PRKCH: variants seen among roughly 807,000 people sequenced by gnomAD.
PRKCH encodes the protein protein kinase C eta type.
Under a neutral mutation model 82.5 loss-of-function variants are expected in PRKCH, and 28 were observed. That is an observed-to-expected ratio of 0.34 (90% confidence interval 0.25 to 0.47). The LOEUF is 0.47. Among genes scored for constraint, PRKCH ranks in the 20% least tolerant of loss-of-function variants. The pLI is 1.00. For synonymous variants in PRKCH, 322 were observed against 327.4 expected, an observed-to-expected ratio of 0.98 and a Z score of 0.18; for missense variants, 705 against 881.8, an observed-to-expected ratio of 0.80 and a Z score of 2.54.
chr14:61,371,097 T>G (rs1280030805), intron 1 of PRKCH, among the ~76,000 whole-genome samples: 1 of 152,130 alleles, frequency 6.6e-6, no homozygotes, highest in Non-Finnish European at 1.5e-5. Flanking sequence ...AGAATTTAAT[T>G]TCTTTAAGAG....
intron 2 of PRKCH, among the ~76,000 whole-genome samples, chr14:61,414,670 G>A (rs1219156482): frequency 8.7e-5 from 13 of 149,854 alleles, no homozygotes; most frequent in African/African-American, 2.5e-4. Context: ...TAGTAGAGAC[G>A]GGGTTTCATC....
chr14:61,418,155 C>T (rs1475046310), intron 2 of PRKCH, among the ~76,000 whole-genome samples: 1 of 152,196 alleles, frequency 6.6e-6, no homozygotes, highest in Non-Finnish European at 1.5e-5. Context: ...ACACTGCAAA[C>T]TGCACGTACG....
intron 10 of PRKCH, among the ~76,000 whole-genome samples, chr14:61,496,099 G>A (rs556010230): frequency 7.6e-4 from 116 of 152,274 alleles, no homozygotes; most frequent in Non-Finnish European, 1.1e-3. Context: ...GGGACCAGTG[G>A]GCTGGAGCAG....
At chr14:61,198,594 G>C (rs1227346901) in intron 1 of PRKCH, among the ~76,000 whole-genome samples, 1 of 152,094 alleles carries the variant, frequency 6.6e-6, no homozygotes, top group Non-Finnish European at 1.5e-5. Context: ...TTAGCGTGTG[G>C]GCAGAAACTA....
At chr14:61,378,222 T>G (rs2046450708) in intron 1 of PRKCH, among the ~76,000 whole-genome samples, 1 of 138,674 alleles carries the variant, frequency 7.2e-6, no homozygotes. Context: ...CTTTTTCTTT[T>G]TCTTTTTTTT....
At chr14:61,475,053 C>T (rs1004920430) in intron 9 of PRKCH, among the ~76,000 whole-genome samples, 1 of 152,276 alleles carries the variant, frequency 6.6e-6, no homozygotes. Context: ...GTGTCGAATT[C>T]ATACATAGAT....
rs566547408 is a variant in PRKCH, at chr14:61,521,637, G to A, written c.1434-7438G>A. Among the ~76,000 whole-genome samples the A allele has an allele frequency of 2.0e-5, 3 of 151,652 alleles. No individual in the cohort carries two copies. In the East Asian group the frequency reaches 5.8e-4, roughly 29 times the overall value. The stretch of plus-strand genomic sequence containing the variant: ...GGCTGGAGTGCAATGGTGTGATCAT[G>A]GCTCACTGCAGCCTTGACCTCCCAG... On this transcript the variant is annotated intron_variant, in intron 10 of 13. Coordinates refer to ENST00000332981, the MANE Select transcript of PRKCH (RefSeq NM_006255.5).
chr14:61,355,986 GA>G (rs944752752), intron 1 of PRKCH, among the ~76,000 whole-genome samples: 1 of 152,170 alleles, frequency 6.6e-6, no homozygotes, highest in African/African-American at 2.4e-5. Flanking sequence ...TGGAAGCCTG[GA>G]AAACAGCCTG....
At chr14:61,299,208 A>C (rs1431017850) in intron 1 of PRKCH, among the ~76,000 whole-genome samples, 2 of 152,162 alleles carry the variant, frequency 1.3e-5, no homozygotes, top group Admixed American at 6.5e-5. Context: ...GGGAGAATTT[A>C]AATCCTCATG....
intron 7 of PRKCH, among the ~76,000 whole-genome samples, chr14:61,455,945 G>T (rs1247787473): frequency 1.3e-5 from 2 of 152,202 alleles, no homozygotes; most frequent in Non-Finnish European, 1.5e-5. Flanking sequence ...TCATCATGCT[G>T]GTGAGAGTGT....
chr14:61,206,788 T>A (rs2044527399), intron 1 of PRKCH, among the ~76,000 whole-genome samples: 1 of 151,460 alleles, frequency 6.6e-6, no homozygotes, highest in African/African-American at 2.4e-5. Context: ...AAGGCTTTAT[T>A]TCTCCTGTGA....
At chr14:61,490,935 C>CAA in intron 10 of PRKCH, among the ~76,000 whole-genome samples, 1 of 150,702 alleles carries the variant, frequency 6.6e-6, no homozygotes, top group East Asian at 1.9e-4. Context: ...CAAAAACAAA[C>CAA]AAAAAAAAAT....
In PRKCH at chr14:61,280,020, C is replaced by T. The variant is rs1163339077; in HGVS notation, c.-19+92352C>T. ...GGCGAGGTTGGAATTGGGTGACGGG[C>T]GAGGAGGAGATGCCAAAAGCACCTT... is the stretch of plus-strand genomic sequence containing the variant. On this transcript the variant is annotated intron_variant, in intron 1 of 3. Coordinates refer to the PRKCH transcript ENST00000555185. The surrounding 1 kb of genome is among the most constrained non-coding windows in gnomAD (Gnocchi z 5.0). 5 of 1,337,798 alleles carry T rather than the reference C, an allele frequency of 3.7e-6. No individual in the cohort carries two copies. The highest frequency in any genetic ancestry group is 3.0e-5 in the African/African-American group (2 of 67,724). 82.9% of individuals were successfully genotyped at this position (1,337,798 alleles called of 1,614,324 possible).
chr14:61,455,162 T>G (rs2140292626), intron 7 of PRKCH, among the ~76,000 whole-genome samples: 1 of 151,560 alleles, frequency 6.6e-6, no homozygotes, highest in Admixed American at 6.6e-5. Flanking sequence ...TCCGAGTAGC[T>G]GGGACTATAG....
At chr14:61,515,642 A>G (rs2042815009) in intron 10 of PRKCH, among the ~76,000 whole-genome samples, 1 of 152,150 alleles carries the variant, frequency 6.6e-6, no homozygotes, top group South Asian at 2.1e-4. Flanking sequence ...GTGCCAGACC[A>G]TGTCACTGTA....
At chr14:61,482,075 A>T (rs1715200183) in intron 9 of PRKCH, among the ~76,000 whole-genome samples, 1 of 146,382 alleles carries the variant, frequency 6.8e-6, no homozygotes, top group South Asian at 2.2e-4. Flanking sequence ...GCTCACTGCA[A>T]CCTCTGCATC....
chr14:61,380,529 A>T (rs2046490358), intron 1 of PRKCH, among the ~76,000 whole-genome samples: 1 of 152,158 alleles, frequency 6.6e-6, no homozygotes, highest in African/African-American at 2.4e-5. Flanking sequence ...GGAGCACCAG[A>T]AGCTTTGGAC....
intron 1 of PRKCH, among the ~76,000 whole-genome samples, chr14:61,364,975 C>T (rs967067422): frequency 2.6e-5 from 4 of 151,998 alleles, no homozygotes; most frequent in South Asian, 2.1e-4. Context: ...GGGCAGGAGG[C>T]GGTAGGGTGA....
chr14:61,373,629 A>G (rs1415311954), intron 1 of PRKCH, among the ~76,000 whole-genome samples: 2 of 151,998 alleles, frequency 1.3e-5, no homozygotes, highest in Admixed American at 6.5e-5. Context: ...GAGACAGAGC[A>G]TCAGTCTGTC....
Sources: gnomAD v4.1 joint callset for allele counts (sites outside exome capture counted in the v4.1 genomes callset) on GRCh38, gnomAD v4.1.1 for gene constraint, Gnocchi (gnomAD v3.1) non-coding constraint, MANE v1.5 for transcripts, NCBI Gene and HGNC (gene_info 2026-07-23, HGNC 2026-07-21) for gene names.